The following MGAM2 variants were observed in gnomAD, a reference collection of about 807,000 sequenced individuals.
MGAM2 encodes the protein maltase-glucoamylase 2 (putative).
Under a neutral mutation model 96.1 loss-of-function variants are expected in MGAM2, and 98 were observed. The observed-to-expected ratio is 1.02, with a 90% CI of 0.87 to 1.21. The LOEUF (loss-of-function observed/expected upper bound fraction) is 1.21. MGAM2 is among the 50% of genes most tolerant of loss of function. The pLI is 0.00. For synonymous variants in MGAM2, 749 were observed against 414.8 expected, an observed-to-expected ratio of 1.81 and a Z score of -9.79; for missense variants, 2,055 against 1,182.4, an observed-to-expected ratio of 1.74 and a Z score of -10.82.
chr7:142,118,601 T>C (rs2129073907), intron 2 of MGAM2, among the ~76,000 whole-genome samples: 1 of 152,292 alleles, frequency 6.6e-6, no homozygotes, highest in Admixed American at 6.5e-5. Context: ...ACAAAGTTGA[T>C]AAAGCCTAAA....
At chr7:142,160,701 C>T (rs1212979737) in intron 21 of MGAM2, among the ~76,000 whole-genome samples, 1 of 150,972 alleles carries the variant, frequency 6.6e-6, no homozygotes, top group African/African-American at 2.4e-5. Context: ...ATGTGTTTAC[C>T]TTGGGTAACT....
intron 46 of MGAM2, among the ~76,000 whole-genome samples, chr7:142,214,616 G>A (rs1406376577): frequency 6.6e-6 from 1 of 152,130 alleles, no homozygotes; most frequent in African/African-American, 2.4e-5. Flanking sequence ...CCTCTTCAAG[G>A]AGAACTACAA....
intron 31 of MGAM2, among the ~76,000 whole-genome samples, chr7:142,174,715 C>CTCTTTTTTTTTTTTTTTTT (rs1194981898): frequency 4.7e-5 from 4 of 85,460 alleles, no homozygotes; most frequent in African/African-American, 1.7e-4. Flanking sequence ...CTCTCTCTCT[C>CTCTTTTTTTTTTTTTTTTT]TTTTTTTTTT....
intron 6 of MGAM2, among the ~76,000 whole-genome samples, chr7:142,132,678 T>C (rs1375571828): frequency 7.9e-6 from 1 of 126,570 alleles, no homozygotes; most frequent in Admixed American, 8.5e-5. Flanking sequence ...ATATATTAAT[T>C]ATAATATAAT....
chr7:142,117,254 C>A (rs1161888626), intron 2 of MGAM2, among the ~76,000 whole-genome samples: 1 of 152,066 alleles, frequency 6.6e-6, no homozygotes, highest in Admixed American at 6.5e-5. Flanking sequence ...GCCCTTCAAC[C>A]CAGAGTCATG....
At chr7:142,117,024 T>A in intron 2 of MGAM2, 45 bp downstream of exon 2, 1 of 702,656 alleles carries the variant, frequency 1.4e-6, no homozygotes, top group Non-Finnish European at 2.6e-6. Flanking sequence ...AAAGGAAGTC[T>A]CCTGTAAACG....
chr7:142,165,500 A>T (rs1796004553), intron 24 of MGAM2, among the ~76,000 whole-genome samples: 3 of 152,212 alleles, frequency 2.0e-5, no homozygotes, highest in Admixed American at 2.0e-4. Context: ...CTGTTAGTTG[A>T]ATATTTCAAG....
At chr7:142,138,465 C>G in intron 9 of MGAM2, 77 bp from the exon 10 acceptor site, 1 of 649,588 alleles carries the variant, frequency 1.5e-6, no homozygotes, top group Non-Finnish European at 2.8e-6. Flanking sequence ...CTGACGTTTT[C>G]AGCTCTGGGA....
chr7:142,134,105 A>C lies in MGAM2; in HGVS notation c.700A>C (p.Thr234Pro), dbSNP rs900200564. The change falls in exon 7 of 48, where the codon ACC (threonine) becomes CCC (proline). Residue 234 changes from threonine to proline, a missense_variant. Thr to Pro is a conservative substitution (Grantham distance 38). Coordinates refer to ENST00000477922, the MANE Select transcript of MGAM2 (RefSeq NM_001293626.2). ...GCACCAGCAGTACCGCCACAATATG[A>C]CCTGGAAGACTTGGCCCATCTTCAC... ...HVHQQYRHNM[T>P]WKTWPIFTRD... The C allele has an allele frequency of 1.2e-5, 9 of 762,870 alleles. No homozygotes were observed. Among genetic ancestry groups the C allele is most frequent in the Non-Finnish European group, 2.2e-5 (9 of 416,576 alleles). 47.3% of individuals were successfully genotyped at this position (762,870 alleles called of 1,614,324 possible).
chr7:142,160,093 G>A (rs1248219727), intron 20 of MGAM2, 41 bp from the exon 21 acceptor site: 2 of 687,414 alleles, frequency 2.9e-6, no homozygotes, highest in Admixed American at 4.2e-5. Context: ...AGCTGAAACA[G>A]CTTATTACCT....
At position 142,198,280 on chromosome 7, in the gene MGAM2, T is replaced by C. The variant is rs1250716704; in HGVS notation, c.4923+85T>C. On this transcript the variant is annotated intron_variant, in intron 43 of 47. Coordinates refer to ENST00000477922, the MANE Select transcript of MGAM2 (RefSeq NM_001293626.2). ...AGAGCCTTCTATTTCCAAGCACATA[T>C]TTCCTAAGGCAATAATTTTGACCTT... 1.8e-5 allele frequency: 12 copies of C among 658,406 alleles called. No homozygotes were observed. In the African/African-American group the frequency reaches 2.2e-4, roughly 12 times the overall value. The allele number at this position is 658,406 out of a possible 1,614,324, so 40.8% of individuals were successfully genotyped here.
intron 15 of MGAM2, among the ~76,000 whole-genome samples, chr7:142,152,346 G>C (rs1398898326): frequency 6.6e-6 from 1 of 152,164 alleles, no homozygotes; most frequent in Non-Finnish European, 1.5e-5. Context: ...TGCAGCCAGT[G>C]GTAATAAAAG....
rs776501444 is a variant in MGAM2 at position 142,202,101 on chromosome 7, C to A, written c.5137+2133C>A. Among the ~76,000 whole-genome samples the A allele has an allele frequency of 1.6e-4, 24 of 152,174 alleles. No homozygotes were observed. The Middle Eastern group carries it at 0.01, about 65-fold the overall frequency. ...ATAGTACATATTGTATGATTCTATT[C>A]ATATAAAATCTAGAAAATACAAATC... On this transcript the variant is annotated intron_variant, in intron 45 of 47. Coordinates refer to ENST00000477922, the MANE Select transcript of MGAM2 (RefSeq NM_001293626.2).
chr7:142,177,364 C>T (rs776687472), intron 32 of MGAM2, among the ~76,000 whole-genome samples: 5 of 152,044 alleles, frequency 3.3e-5, no homozygotes, highest in Non-Finnish European at 7.4e-5. Flanking sequence ...CAATTACCTC[C>T]TACCATGTCC....
chr7:142,169,773 A>T (rs1007377072), intron 26 of MGAM2, among the ~76,000 whole-genome samples: 6 of 152,164 alleles, frequency 3.9e-5, no homozygotes, highest in Admixed American at 1.3e-4. Context: ...TGCATGCCAC[A>T]CACTTACAAA....
chr7:142,131,124 C>T (rs1351195944), intron 4 of MGAM2, 53 bp downstream of exon 4: 7 of 682,574 alleles, frequency 1.0e-5, no homozygotes, highest in East Asian at 2.7e-5. Context: ...GGCCCAGATA[C>T]GTTAACTGCA....
intron 45 of MGAM2, among the ~76,000 whole-genome samples, chr7:142,201,994 GCAATTA>G: frequency 9.8e-6 from 1 of 102,318 alleles, no homozygotes; most frequent in South Asian, 2.9e-4. Context: ...AGCAATTAAA[GCAATTA>G]ATTTCTTTTA....
At position 142,120,325 on chromosome 7, in the gene MGAM2, C is replaced by T. The variant is rs778178980; in HGVS notation, c.130C>T (p.Pro44Ser). ...TSDTSFTPEC[P>S]EIPQSERIDC... ...AGATACTTCATTTACTCCAGAGTGC[C>T]CAGAGATTCCCCAGTCGGAAAGGAT... is the stretch of plus-strand genomic sequence containing the variant. Residue 44 changes from proline to serine, a missense_variant, in exon 3 of 48, where the codon CCA becomes TCA. Pro to Ser is a moderately conservative substitution (Grantham distance 74). Transcript: ENST00000477922. The T allele has an allele frequency of 1.4e-6, 1 of 703,054 alleles. No individual in the cohort carries two copies. Among genetic ancestry groups the T allele is most frequent in the Non-Finnish European group, 2.6e-6 (1 of 384,954 alleles). The allele number at this position is 703,054 out of a possible 1,614,324, so 43.6% of individuals were successfully genotyped here.
intron 34 of MGAM2, among the ~76,000 whole-genome samples, chr7:142,185,738 T>A (rs1796674123): frequency 6.6e-6 from 1 of 152,230 alleles, no homozygotes; most frequent in Non-Finnish European, 1.5e-5. Flanking sequence ...GTCTTGTGAT[T>A]ACATGTCCAG....
Sources: allele counts gnomAD v4.1 joint callset (sites outside exome capture counted in the v4.1 genomes callset), GRCh38; gene constraint gnomAD v4.1.1; transcripts MANE v1.5; gene names NCBI Gene and HGNC (gene_info 2026-07-23, HGNC 2026-07-21).